PTPRD: variants seen among roughly 807,000 people sequenced by gnomAD.
The protein encoded by PTPRD is receptor-type tyrosine-protein phosphatase delta.
In PTPRD, 34 loss-of-function variants were observed where a neutral mutation model predicts 214.5. That is an observed-to-expected ratio of 0.16 (90% CI 0.12 to 0.21). The LOEUF (loss-of-function observed/expected upper bound fraction) is 0.21. PTPRD is among the 10% of genes least tolerant of loss of function. PTPRD has a pLI of 1.00. For synonymous variants in PTPRD, 1,128 were observed against 845.7 expected (o/e 1.33, Z -5.79); for missense variants, 2,545 against 2,398.7 (o/e 1.06, Z -1.27).
intron 2 of PTPRD, among the ~76,000 whole-genome samples, chr9:10,563,761 G>C (rs555637440): frequency 6.6e-6 from 1 of 151,734 alleles, no homozygotes; most frequent in Non-Finnish European, 1.5e-5. Flanking sequence ...TTTTGCTTTT[G>C]AACAAATTTT....
intron 2 of PTPRD, among the ~76,000 whole-genome samples, chr9:10,416,838 T>C (rs1288318472): frequency 6.6e-6 from 1 of 151,840 alleles, no homozygotes; most frequent in Non-Finnish European, 1.5e-5. Context: ...GCTGTTATAA[T>C]AGTGTAGAAT....
chr9:9,492,349 T>G (rs890729836), intron 8 of PTPRD, among the ~76,000 whole-genome samples: 7 of 139,362 alleles, frequency 5.0e-5, no homozygotes, highest in Non-Finnish European at 9.5e-5. Context: ...AAAACTAACA[T>G]AAATTCTCCA....
At chr9:8,387,756 A>G (rs2087716736) in intron 37 of PTPRD, among the ~76,000 whole-genome samples, 2 of 152,176 alleles carry the variant, frequency 1.3e-5, no homozygotes, top group African/African-American at 4.8e-5. Flanking sequence ...CTCATATGTA[A>G]ACTGGAGGTC....
chr9:8,607,298 T>C (rs1023438246), intron 14 of PTPRD, among the ~76,000 whole-genome samples: 3 of 152,172 alleles, frequency 2.0e-5, no homozygotes, highest in African/African-American at 7.2e-5. Flanking sequence ...TCTACAATTT[T>C]GTCTATTAAA....
intron 8 of PTPRD, among the ~76,000 whole-genome samples, chr9:9,532,157 A>G (rs972296452): frequency 6.6e-6 from 1 of 152,150 alleles, no homozygotes; most frequent in Admixed American, 6.6e-5. Flanking sequence ...AGAGCTAGGA[A>G]GAAACACAAG....
chr9:9,592,350 C>G (rs868829175), intron 7 of PTPRD, among the ~76,000 whole-genome samples: 6 of 151,860 alleles, frequency 4.0e-5, no homozygotes, highest in Non-Finnish European at 1.5e-5. Flanking sequence ...CAAAATCAAA[C>G]AAAACAAAAT....
At chr9:8,840,154 C>T (rs1490845509) in intron 11 of PTPRD, among the ~76,000 whole-genome samples, 1 of 152,128 alleles carries the variant, frequency 6.6e-6, no homozygotes, top group Non-Finnish European at 1.5e-5. Context: ...TAGAGCAGTA[C>T]ACATTAGTAG....
intron 3 of PTPRD, among the ~76,000 whole-genome samples, chr9:10,317,179 G>C (rs774336573): frequency 7.2e-5 from 11 of 151,864 alleles, no homozygotes; most frequent in East Asian, 1.9e-4. Flanking sequence ...AAAGCATTTT[G>C]TCATGTACAG....
chr9:9,312,912 T>G (rs1308886845), intron 9 of PTPRD, among the ~76,000 whole-genome samples: 1 of 152,216 alleles, frequency 6.6e-6, no homozygotes, highest in Non-Finnish European at 1.5e-5. Context: ...CTCACAAGTT[T>G]TGCTTTGCAA....
chr9:10,314,124 A>G lies in PTPRD; in HGVS notation c.-545+26839T>C, dbSNP rs1415583305. Among the ~76,000 whole-genome samples the G allele has an allele frequency of 2.0e-5, 3 of 151,986 alleles. No homozygotes were observed. In the South Asian group the frequency reaches 6.2e-4, roughly 31 times the overall value. On this transcript the variant is annotated intron_variant, in intron 3 of 45. Transcript: ENST00000381196. ...TCTTCAGGTAGAGAAGATATTCAGAATGTTACGAAGCAGGAAAGAAACAGT... is the reference window on the plus strand; with the variant it reads ...TCTTCAGGTAGAGAAGATATTCAGAGTGTTACGAAGCAGGAAAGAAACAGT...
intron 11 of PTPRD, among the ~76,000 whole-genome samples, chr9:8,844,550 A>T (rs1482349440): frequency 2.6e-5 from 4 of 152,324 alleles, no homozygotes; most frequent in South Asian, 2.1e-4. Flanking sequence ...TGCATATTTT[A>T]AAAAATTTCT....
intron 4 of PTPRD, among the ~76,000 whole-genome samples, chr9:9,954,320 AAAAAG>A (rs1437197703): frequency 3.3e-5 from 5 of 150,198 alleles, no homozygotes; most frequent in Non-Finnish European, 7.4e-5. Context: ...AAAAAAAAAA[AAAAAG>A]ATCATTGTCC....
chr9:8,883,825 G>A (rs1268688103), intron 11 of PTPRD, among the ~76,000 whole-genome samples: 1 of 152,108 alleles, frequency 6.6e-6, no homozygotes, highest in East Asian at 1.9e-4. Context: ...ATCCCTTCTG[G>A]AGCCGGTCCA....
intron 7 of PTPRD, among the ~76,000 whole-genome samples, chr9:9,610,470 G>A (rs746153518): frequency 6.6e-6 from 1 of 152,096 alleles, no homozygotes; most frequent in Non-Finnish European, 1.5e-5. Flanking sequence ...CCAATTCTAG[G>A]AGCAAGGATT....
At chr9:9,297,731 G>A (rs1038519382) in intron 9 of PTPRD, among the ~76,000 whole-genome samples, 4 of 151,642 alleles carry the variant, frequency 2.6e-5, no homozygotes, top group African/African-American at 9.7e-5. Flanking sequence ...GTTTCTCTTT[G>A]TTAGTAAGAA....
intron 11 of PTPRD, among the ~76,000 whole-genome samples, chr9:9,002,083 C>T (rs948878727): frequency 1.3e-5 from 2 of 151,690 alleles, no homozygotes; most frequent in East Asian, 1.9e-4. Flanking sequence ...CTCTAATCAT[C>T]GTAACAAAAG....
intron 7 of PTPRD, among the ~76,000 whole-genome samples, chr9:9,700,933 T>C (rs900550062): frequency 2.0e-5 from 3 of 152,014 alleles, no homozygotes; most frequent in African/African-American, 7.2e-5. Context: ...TACTAGGTGT[T>C]AACAGCAAAG....
At chr9:8,418,046 G>T (rs577283548) in intron 35 of PTPRD, among the ~76,000 whole-genome samples, 1 of 152,058 alleles carries the variant, frequency 6.6e-6, no homozygotes, top group Non-Finnish European at 1.5e-5. Context: ...GCCATGTTGT[G>T]GTGCTCAGGG....
intron 11 of PTPRD, among the ~76,000 whole-genome samples, chr9:8,905,688 G>A (rs777516452): frequency 1.7e-4 from 25 of 149,336 alleles, no homozygotes; most frequent in South Asian, 8.4e-4. Flanking sequence ...GCAGTGAGCC[G>A]GAATCACGCC....
Sources: allele counts gnomAD v4.1 joint callset (sites outside exome capture counted in the v4.1 genomes callset), GRCh38; gene constraint gnomAD v4.1.1; transcripts MANE v1.5; gene names NCBI Gene and HGNC (gene_info 2026-07-23, HGNC 2026-07-21).